The following DLG2 variants were observed in gnomAD, a reference collection of about 807,000 sequenced individuals.
DLG2 encodes disks large homolog 2.
In DLG2, 45 loss-of-function variants were observed where a neutral mutation model predicts 132.5. The observed-to-expected ratio is 0.34, with a 90% CI of 0.27 to 0.44. The LOEUF is 0.44. DLG2 is among the 20% of genes least tolerant of loss of function. DLG2 has a pLI of 1.00. For synonymous variants in DLG2, 424 were observed against 419.6 expected, an observed-to-expected ratio of 1.01 and a Z score of -0.13; for missense variants, 1,045 against 1,196.9, an observed-to-expected ratio of 0.87 and a Z score of 1.87.
At chr11:85,032,916 T>C (rs995497705) in intron 6 of DLG2, among the ~76,000 whole-genome samples, 61 of 152,306 alleles carry the variant, frequency 4.0e-4, no homozygotes, top group African/African-American at 1.4e-3. Flanking sequence ...AGGCTATTTC[T>C]AATGCATTAA....
intron 7 of DLG2, among the ~76,000 whole-genome samples, chr11:84,473,733 T>C (rs1337639643): frequency 8.6e-5 from 13 of 152,034 alleles, no homozygotes; most frequent in African/African-American, 2.4e-5. Flanking sequence ...GTTTCCTTTA[T>C]ATGTTGTAGA....
chr11:83,496,139 A>C (rs1306158281), intron 21 of DLG2, among the ~76,000 whole-genome samples: 1 of 151,110 alleles, frequency 6.6e-6, no homozygotes, highest in Non-Finnish European at 1.5e-5. Flanking sequence ...TAAATAGAAA[A>C]ACCAATAAAA....
intron 18 of DLG2, among the ~76,000 whole-genome samples, chr11:83,654,764 C>A (rs968425866): frequency 1.9e-4 from 29 of 152,174 alleles, no homozygotes; most frequent in Admixed American, 1.9e-3. Flanking sequence ...TAATGCATGG[C>A]AGCATTTTCT....
intron 6 of DLG2, among the ~76,000 whole-genome samples, chr11:85,063,045 C>T (rs533524746): frequency 1.3e-4 from 19 of 151,938 alleles, no homozygotes; most frequent in African/African-American, 4.6e-4. Flanking sequence ...GATAACTTAA[C>T]AAAATCTTAT....
chr11:84,720,392 G>A (rs2061672827), intron 6 of DLG2: 1 of 985,450 alleles, frequency 1.0e-6, no homozygotes, highest in Non-Finnish European at 1.2e-6. Flanking sequence ...TAACAACAGG[G>A]GACATTCCTT....
intron 15 of DLG2, among the ~76,000 whole-genome samples, chr11:83,920,968 A>T (rs2077771787): frequency 6.6e-6 from 1 of 152,186 alleles, no homozygotes; most frequent in Non-Finnish European, 1.5e-5. Context: ...TCTGAAGCAG[A>T]ATTCAATACT....
intron 7 of DLG2, among the ~76,000 whole-genome samples, chr11:84,505,694 C>A (rs1567816648): frequency 1.3e-5 from 2 of 152,106 alleles, no homozygotes; most frequent in East Asian, 3.9e-4. Context: ...ATCATTATTA[C>A]CATTATTTAA....
chr11:83,725,111 T>C (rs2089742594), intron 18 of DLG2: 3 of 548,926 alleles, frequency 5.5e-6, no homozygotes, highest in Non-Finnish European at 9.8e-6. Flanking sequence ...GATGGGATTA[T>C]TTTCTCCGTT....
chr11:85,138,929 A>G (rs778415038), intron 5 of DLG2, among the ~76,000 whole-genome samples: 2 of 152,052 alleles, frequency 1.3e-5, no homozygotes, highest in Non-Finnish European at 2.9e-5. Context: ...CTGTTCCTCA[A>G]TATAGTGTTT....
intron 6 of DLG2, among the ~76,000 whole-genome samples, chr11:84,728,064 A>G (rs1047151300): frequency 3.0e-4 from 46 of 152,088 alleles, no homozygotes; most frequent in African/African-American, 1.0e-3. Flanking sequence ...CTCTCTTCCT[A>G]TCTGAATACC....
chr11:84,799,150 C>T (rs2075055886), intron 6 of DLG2, among the ~76,000 whole-genome samples: 1 of 152,204 alleles, frequency 6.6e-6, no homozygotes, highest in South Asian at 2.1e-4. Context: ...AATTACAGTC[C>T]TTGTGTCCCA....
chr11:83,877,938 C>T (rs116490470), intron 15 of DLG2, among the ~76,000 whole-genome samples: 371 of 152,268 alleles, frequency 2.4e-3, no homozygotes, highest in African/African-American at 8.6e-3. Flanking sequence ...ATCGTTTCCA[C>T]ATTATTGGCT....
At chr11:84,889,511 A>G (rs2154061816) in intron 6 of DLG2, among the ~76,000 whole-genome samples, 1 of 152,254 alleles carries the variant, frequency 6.6e-6, no homozygotes, top group South Asian at 2.1e-4. Context: ...CAGAAAACAG[A>G]CAACAGTATA....
intron 8 of DLG2, among the ~76,000 whole-genome samples, chr11:84,195,213 G>A (rs1380111886): frequency 6.6e-6 from 1 of 152,162 alleles, no homozygotes; most frequent in Non-Finnish European, 1.5e-5. Flanking sequence ...TGCCGGGCTG[G>A]AGTGCAGTGG....
At chr11:85,128,631 G>T (rs1037616362) in intron 5 of DLG2, among the ~76,000 whole-genome samples, 2 of 152,066 alleles carry the variant, frequency 1.3e-5, no homozygotes, top group African/African-American at 4.8e-5. Flanking sequence ...CAGAACTATT[G>T]TCCTATTGCC....
chr11:83,957,541 A>G (rs1187832203), intron 14 of DLG2, among the ~76,000 whole-genome samples: 1 of 138,022 alleles, frequency 7.2e-6, no homozygotes, highest in Non-Finnish European at 1.5e-5. Flanking sequence ...TCTACTCCAC[A>G]CAGCAGCCAG....
At chr11:84,797,381 G>A (rs966009845) in intron 6 of DLG2, among the ~76,000 whole-genome samples, 4 of 152,090 alleles carry the variant, frequency 2.6e-5, no homozygotes, top group Non-Finnish European at 4.4e-5. Context: ...CCCTTATGAG[G>A]GTATTTCTAC....
chr11:84,829,989 TAC>T (rs1039253123), intron 6 of DLG2, among the ~76,000 whole-genome samples: 41 of 151,634 alleles, frequency 2.7e-4, no homozygotes, highest in African/African-American at 9.4e-4. Context: ...TAGAAAAACT[TAC>T]AACAAAGTTG....
chr11:84,988,684 A>G (rs921934128), intron 6 of DLG2, among the ~76,000 whole-genome samples: 1 of 152,186 alleles, frequency 6.6e-6, no homozygotes, highest in African/African-American at 2.4e-5. Flanking sequence ...ATGCAAAGGC[A>G]TAAGAATGAC....
Sources: gnomAD v4.1 joint callset for allele counts (sites outside exome capture counted in the v4.1 genomes callset) on GRCh38, gnomAD v4.1.1 for gene constraint, MANE v1.5 for transcripts, NCBI Gene and HGNC (gene_info 2026-07-23, HGNC 2026-07-21) for gene names.